Variants in STYXL2 observed in about 807,000 individuals in gnomAD.
STYXL2 encodes the protein serine/threonine/tyrosine-interacting-like protein 2.
Under a neutral mutation model 52.4 loss-of-function variants are expected in STYXL2, and 44 were observed. That is an observed-to-expected ratio of 0.84 (90% CI 0.66 to 1.08). The LOEUF (loss-of-function observed/expected upper bound fraction) is 1.08. STYXL2 is among the 50% of genes least tolerant of loss of function. The pLI is 0.00. For missense variants in STYXL2, 1,604 were observed against 1,471.7 expected, an observed-to-expected ratio of 1.09 and a Z score of -1.47; for synonymous variants, 604 against 586.9, an observed-to-expected ratio of 1.03 and a Z score of -0.42.
chr1:167,121,748 C>T (rs1247315079), intron 5 of STYXL2, among the ~76,000 whole-genome samples: 1 of 152,236 alleles, frequency 6.6e-6, no homozygotes, highest in African/African-American at 2.4e-5. Context: ...GTCAGCTACC[C>T]CGGCCGGAGA....
intron 2 of STYXL2, among the ~76,000 whole-genome samples, chr1:167,100,256 C>G (rs1667374329): frequency 6.6e-6 from 1 of 152,222 alleles, no homozygotes; most frequent in Non-Finnish European, 1.5e-5. Flanking sequence ...AAAAGCATTC[C>G]TCTCTCTTAA....
chr1:167,095,024 C>A, intron 2 of STYXL2, 65 bp downstream of exon 2: 1 of 1,262,936 alleles, frequency 7.9e-7, no homozygotes, highest in Non-Finnish European at 1.1e-6. Context: ...CAGGTTGGGC[C>A]ATTAGCTCCA....
chr1:167,101,148 A>G (rs977964650), intron 2 of STYXL2, among the ~76,000 whole-genome samples: 4 of 152,376 alleles, frequency 2.6e-5, no homozygotes, highest in African/African-American at 7.2e-5. Flanking sequence ...AAACAACTCA[A>G]TTAAAAAGCG....
intron 2 of STYXL2, among the ~76,000 whole-genome samples, chr1:167,103,452 G>A (rs1667442441): frequency 6.6e-6 from 1 of 152,120 alleles, no homozygotes; most frequent in Non-Finnish European, 1.5e-5. Context: ...AATTAGCAGG[G>A]ATGTACCCTG....
Position 167,119,591 on chromosome 1 carries a change from C to G in STYXL2, c.655+125C>G. 6 of 786,328 alleles carry G rather than the reference C, an allele frequency of 7.6e-6. No homozygotes were observed. The Admixed American group carries it at 1.5e-4, about 20-fold the overall frequency. The allele number at this position is 786,328 out of a possible 1,614,324, so 48.7% of individuals were successfully genotyped here. ...ATCTGTCTTAAGAAGGCTGTTTTCT[C>G]TAAGAAAAGGAGAAAAGACAGGATA... On this transcript the variant is annotated intron_variant, in intron 5 of 5. Coordinates refer to ENST00000361200, the MANE Select transcript of STYXL2 (RefSeq NM_001080426.3).
intron 2 of STYXL2, among the ~76,000 whole-genome samples, chr1:167,095,833 A>G (rs181630328): frequency 3.9e-5 from 6 of 152,270 alleles, no homozygotes; most frequent in Middle Eastern, 3.4e-3. Context: ...CTAAGAATTT[A>G]TCATTCTGCT....
intron 5 of STYXL2, among the ~76,000 whole-genome samples, chr1:167,122,344 A>C (rs1328623080): frequency 3.3e-5 from 5 of 152,106 alleles, no homozygotes; most frequent in Non-Finnish European, 7.3e-5. Context: ...TCTACTTCAG[A>C]TAGCAAATGG....
intron 2 of STYXL2, 38 bp downstream of exon 2, chr1:167,094,997 C>G (rs1451383213): frequency 6.7e-7 from 1 of 1,497,866 alleles, no homozygotes; most frequent in Non-Finnish European, 9.1e-7. Flanking sequence ...ACAGCCCCAG[C>G]TGGGAGGGGC....
In STYXL2 at chr1:167,126,332, G is replaced by T; in HGVS notation, c.1201G>T (p.Glu401Ter). ...RIIQEWQSRN[E>*]RYQAEGYRRW... ...CATCCAGGAGTGGCAGAGCCGAAAC[G>T]AGAGGTACCAAGCAGAAGGGTACCG... Residue 401 changes from glutamate (E) to a stop codon, truncating the protein, a stop_gained, in exon 6 of 6, where the codon GAG (glutamate) becomes TAG (stop). Coordinates refer to ENST00000361200, the MANE Select transcript of STYXL2 (RefSeq NM_001080426.3). LOFTEE classifies it low-confidence loss of function (END_TRUNC). 6.6e-7 allele frequency: 1 copy of T among 1,523,224 alleles called. No individual in the cohort carries two copies. The highest frequency in any genetic ancestry group is 8.8e-7 in the Non-Finnish European group (1 of 1,132,626). 94.4% of individuals were successfully genotyped at this position (1,523,224 alleles called of 1,614,324 possible).
In STYXL2 at chr1:167,094,840, G is replaced by A. The variant is rs1196022647; in HGVS notation, c.-10G>A. On this transcript the variant is annotated 5_prime_UTR_variant, in exon 2 of 6. Transcript: ENST00000361200. ...TTTCTTGCCAAACTTTCAGAGGTTG[G>A]CAGGTTGTCATGGCGACCAGAAAGG... 5 of 1,609,690 alleles carry A rather than the reference G, an allele frequency of 3.1e-6. No homozygotes were observed. The Admixed American group carries it at 6.7e-5, about 22-fold the overall frequency.
rs770391450 is a variant in STYXL2, at chr1:167,117,345, G to A, written c.223G>A (p.Val75Ile). The stretch of plus-strand genomic sequence containing the variant: ...TCCTCTAGAACTCAAGCCACCGGGG[G>A]TCAGAGCAGACGCAGAGTGTCCAGG... The part of the protein sequence containing the change: ...IINEELKPPG[V>I]RADAECPGML... The change falls in exon 4 of 6, where the codon GTC becomes ATC. Residue 75 changes from valine (V) to isoleucine (I), a missense_variant. Coordinates refer to ENST00000361200, the MANE Select transcript of STYXL2 (RefSeq NM_001080426.3). The A allele has an allele frequency of 1.2e-6, 2 of 1,609,656 alleles. No homozygotes were observed. Among genetic ancestry groups the A allele is most frequent in the South Asian group, 1.1e-5 (1 of 89,910 alleles).
intron 2 of STYXL2, among the ~76,000 whole-genome samples, chr1:167,096,963 G>C (rs532850167): frequency 1.9e-4 from 29 of 152,280 alleles, no homozygotes; most frequent in Non-Finnish European, 2.6e-4. Flanking sequence ...CATTATGGTC[G>C]GATCAGGATA....
intron 5 of STYXL2, among the ~76,000 whole-genome samples, chr1:167,122,159 A>G (rs549052189): frequency 6.6e-6 from 1 of 152,196 alleles, no homozygotes; most frequent in South Asian, 2.1e-4. Flanking sequence ...TGTAATAATC[A>G]AGACTCTCTT....
In STYXL2 at chr1:167,128,754, G is replaced by A. The variant is rs1668031250; in HGVS notation, c.*146G>A. On this transcript the variant is annotated 3_prime_UTR_variant, in exon 6 of 6. Transcript: ENST00000361200. ...CCAAAATGAGAGGTACCAAGCATAAGGGCAGCAGAGGTGGAGTAGGGAGGA... is the reference window on the plus strand; with the variant it reads ...CCAAAATGAGAGGTACCAAGCATAAAGGCAGCAGAGGTGGAGTAGGGAGGA... The A allele has an allele frequency of 2.2e-6, 3 of 1,334,102 alleles. No homozygotes were observed. The East Asian group carries it at 7.6e-5, about 34-fold the overall frequency. The allele number at this position is 1,334,102 out of a possible 1,614,324, so 82.6% of individuals were successfully genotyped here. A position where few individuals can be genotyped will look rare whatever the true frequency, so the allele number is the denominator to read the frequency against.
chr1:167,102,111 T>C (rs1217816801), intron 2 of STYXL2, among the ~76,000 whole-genome samples: 3 of 146,794 alleles, frequency 2.0e-5, no homozygotes, highest in Non-Finnish European at 3.0e-5. Flanking sequence ...ATCTCTACAG[T>C]GGCAGAAAGC....
intron 2 of STYXL2, among the ~76,000 whole-genome samples, chr1:167,100,364 C>T (rs1034409958): frequency 6.6e-6 from 1 of 152,128 alleles, no homozygotes; most frequent in Non-Finnish European, 1.5e-5. Context: ...TAGAATTGCC[C>T]TAGGAAATAC....
chr1:167,099,966 A>G (rs986417044), intron 2 of STYXL2, among the ~76,000 whole-genome samples: 1 of 152,236 alleles, frequency 6.6e-6, no homozygotes, highest in Non-Finnish European at 1.5e-5. Flanking sequence ...TTCTGTTGCT[A>G]TAACAGAATA....
intron 3 of STYXL2, among the ~76,000 whole-genome samples, chr1:167,114,361 A>G (rs1160219874): frequency 6.6e-6 from 1 of 152,180 alleles, no homozygotes; most frequent in Admixed American, 6.5e-5. Context: ...TTTTTTTCTA[A>G]TCAATTTTAA....
At chr1:167,107,625 T>C (rs1667531628) in intron 2 of STYXL2, among the ~76,000 whole-genome samples, 1 of 152,206 alleles carries the variant, frequency 6.6e-6, no homozygotes, top group South Asian at 2.1e-4. Flanking sequence ...TTAAGTATAG[T>C]TCTATTGAAG....
Sources: gnomAD v4.1 joint callset for allele counts (sites outside exome capture counted in the v4.1 genomes callset) on GRCh38, gnomAD v4.1.1 for gene constraint, MANE v1.5 for transcripts, NCBI Gene and HGNC (gene_info 2026-07-23, HGNC 2026-07-21) for gene names.